Variants in PSMD14 observed in about 807,000 individuals in gnomAD.
PSMD14 encodes the protein proteasome 26S subunit, non-ATPase 14, also known as ubiquitin C-terminal hydrolase PSMD14.
Under a neutral mutation model 41.2 loss-of-function variants are expected in PSMD14, and 7 were observed. The ratio of observed to expected loss-of-function variants is 0.17; its 90% confidence interval spans 0.10 to 0.32. The LOEUF (loss-of-function observed/expected upper bound fraction) is 0.32, where lower values mean the gene tolerates loss of function less well. PSMD14 is among the 10% of genes least tolerant of loss of function. The pLI, the probability that PSMD14 is intolerant of heterozygous loss-of-function variation, is 1.00. For synonymous variants in PSMD14, 114 were observed against 122.3 expected (o/e 0.93, Z 0.45); for missense variants, 139 against 375.6 (o/e 0.37, Z 5.21).
At chr2:161,378,281 T>G (rs1178999096) in intron 7 of PSMD14, among the ~76,000 whole-genome samples, 1 of 151,976 alleles carries the variant, frequency 6.6e-6, no homozygotes, top group Non-Finnish European at 1.5e-5. Context: ...AAATCCAAAT[T>G]AAATACATGT....
At chr2:161,401,139 A>G (rs1683872887) in intron 10 of PSMD14, among the ~76,000 whole-genome samples, 1 of 152,214 alleles carries the variant, frequency 6.6e-6, no homozygotes, top group Non-Finnish European at 1.5e-5. Flanking sequence ...ATAAATAAGT[A>G]CGGTACTGTA....
Position 161,371,159 on chromosome 2 carries a change from C to T in PSMD14, c.312-13C>T, listed in dbSNP as rs1180169079. On this transcript the variant is annotated splice_polypyrimidine_tract_variant and intron_variant, in intron 6 of 11. Transcript: ENST00000409682. ...GTTCTGTTCTGAGCATCTGAATGCCCTCTTTGTTTCAGGCCGGAGATGGTT... is the reference window on the plus strand; with the variant it reads ...GTTCTGTTCTGAGCATCTGAATGCCTTCTTTGTTTCAGGCCGGAGATGGTT... 2.5e-6 allele frequency: 4 copies of T among 1,611,486 alleles called. No homozygotes were observed. The highest frequency in any genetic ancestry group is 2.5e-6 in the Non-Finnish European group (3 of 1,178,390).
chr2:161,400,762 T>C (rs1324462449), intron 10 of PSMD14, among the ~76,000 whole-genome samples: 2 of 151,828 alleles, frequency 1.3e-5, no homozygotes, highest in African/African-American at 4.8e-5. Context: ...CCTAGGCTGG[T>C]CTTGAACTCC....
At chr2:161,350,153 A>G (rs1683098793) in intron 3 of PSMD14, among the ~76,000 whole-genome samples, 1 of 152,220 alleles carries the variant, frequency 6.6e-6, no homozygotes, top group Non-Finnish European at 1.5e-5. Flanking sequence ...TAAAATGTGT[A>G]AGGAACTTAG....
intron 1 of PSMD14, among the ~76,000 whole-genome samples, chr2:161,313,941 T>C (rs148531836): frequency 6.6e-6 from 1 of 152,338 alleles, no homozygotes; most frequent in East Asian, 1.9e-4. Flanking sequence ...TTTAGTGGCA[T>C]TAAGTATATT....
intron 7 of PSMD14, 28 bp from the exon 8 acceptor site, chr2:161,385,436 A>G (rs1270620938): frequency 6.8e-7 from 1 of 1,474,744 alleles, no homozygotes; most frequent in Admixed American, 1.8e-5. Context: ...TTTTAAAAAA[A>G]AATTGACTTG....
intron 3 of PSMD14, among the ~76,000 whole-genome samples, chr2:161,356,535 A>G (rs1683200732): frequency 6.6e-6 from 1 of 152,146 alleles, no homozygotes; most frequent in South Asian, 2.1e-4. Flanking sequence ...ATTAGATACC[A>G]TAAAATTAAG....
At chr2:161,333,342 G>A (rs1276391400) in intron 3 of PSMD14, among the ~76,000 whole-genome samples, 9 of 152,140 alleles carry the variant, frequency 5.9e-5, no homozygotes, top group Admixed American at 5.9e-4. Flanking sequence ...TTCTTTTCCT[G>A]TAAATCCAAA....
chr2:161,378,943 A>G (rs1481689143), intron 7 of PSMD14, among the ~76,000 whole-genome samples: 3 of 152,044 alleles, frequency 2.0e-5, no homozygotes, highest in African/African-American at 4.8e-5. Flanking sequence ...TTTTCCTACT[A>G]AAATGCCTTT....
chr2:161,373,351 G>A (rs184792936), intron 7 of PSMD14, among the ~76,000 whole-genome samples: 294 of 151,750 alleles, frequency 1.9e-3, no homozygotes, highest in Middle Eastern at 3.4e-3. Flanking sequence ...TCACTTGTTG[G>A]ACCTAATGTC....
rs547718603 is a variant in PSMD14, at chr2:161,404,980, G to A, written c.772-3857G>A. Reference sequence around the variant, plus strand: ...CTCTTCATTTCCTCTCATTTGAAATGTATTATCATCTCCACTGTCTGAGAC... The same window carrying A: ...CTCTTCATTTCCTCTCATTTGAAATATATTATCATCTCCACTGTCTGAGAC... On this transcript the variant is annotated intron_variant, in intron 10 of 11. Coordinates refer to ENST00000409682, the MANE Select transcript of PSMD14 (RefSeq NM_005805.6). Among the ~76,000 whole-genome samples the A allele has an allele frequency of 5.9e-5, 9 of 152,256 alleles. No homozygotes were observed. The East Asian group carries it at 1.5e-3, about 26-fold the overall frequency.
chr2:161,325,646 T>C (rs992633053), intron 3 of PSMD14, among the ~76,000 whole-genome samples: 3 of 152,206 alleles, frequency 2.0e-5, no homozygotes, highest in African/African-American at 7.2e-5. Context: ...AGAATGTTCA[T>C]GGAAATAGGC....
At chr2:161,332,029 TG>T (rs1682798414) in intron 3 of PSMD14, among the ~76,000 whole-genome samples, 1 of 152,354 alleles carries the variant, frequency 6.6e-6, no homozygotes, top group South Asian at 2.1e-4. Context: ...AGAGTTGTCA[TG>T]GCTACTTGTT....
At chr2:161,346,732 T>C (rs2105245007) in intron 3 of PSMD14, among the ~76,000 whole-genome samples, 1 of 152,008 alleles carries the variant, frequency 6.6e-6, no homozygotes, top group South Asian at 2.1e-4. Flanking sequence ...TTTCTACTAT[T>C]GAGGCTAGAC....
intron 7 of PSMD14, among the ~76,000 whole-genome samples, chr2:161,375,522 G>A (rs143888382): frequency 1.6e-4 from 24 of 152,136 alleles, no homozygotes; most frequent in African/African-American, 5.3e-4. Context: ...GCTTTGAGGG[G>A]TAGGCAGGAC....
chr2:161,318,545 C>G (rs768485692), intron 2 of PSMD14, among the ~76,000 whole-genome samples: 12 of 150,954 alleles, frequency 7.9e-5, no homozygotes, highest in South Asian at 6.3e-4. Flanking sequence ...ATATAATTAA[C>G]TTAATGATAG....
chr2:161,374,009 T>G (rs6719721), intron 7 of PSMD14, among the ~76,000 whole-genome samples: 138,681 of 151,894 alleles, frequency 0.91, 63,357 homozygotes, highest in East Asian at 1. Context: ...TTAGGGCCAA[T>G]GAGATTGCTT....
chr2:161,373,255 C>T (rs1683463514), intron 7 of PSMD14, among the ~76,000 whole-genome samples: 1 of 151,672 alleles, frequency 6.6e-6, no homozygotes, highest in South Asian at 2.1e-4. Flanking sequence ...TTTATGAAAT[C>T]ATATGTATCA....
intron 7 of PSMD14, chr2:161,383,101 A>G (rs1039356279): frequency 1.3e-5 from 2 of 151,510 alleles, no homozygotes; most frequent in African/African-American, 4.9e-5. Flanking sequence ...CCCATTGCTC[A>G]TTAGCGCACT....
Sources: gnomAD v4.1 joint callset for allele counts (sites outside exome capture counted in the v4.1 genomes callset) on GRCh38, gnomAD v4.1.1 for gene constraint, MANE v1.5 for transcripts, NCBI Gene and HGNC (gene_info 2026-07-23, HGNC 2026-07-21) for gene names.